Variants in CALD1 observed in about 807,000 individuals in gnomAD.
CALD1 encodes caldesmon 1.
A neutral mutation model predicts 99.9 loss-of-function variants in CALD1; 33 were observed. That is an observed-to-expected ratio of 0.33 (90% CI 0.25 to 0.44). The LOEUF is 0.44. Among genes scored for constraint, CALD1 ranks in the 20% least tolerant of loss-of-function variants. The pLI, the probability that CALD1 is intolerant of heterozygous loss-of-function variation, is 1.00. For missense variants in CALD1, 861 were observed against 962.1 expected (o/e 0.89, Z 1.39); for synonymous variants, 310 against 325.0 (o/e 0.95, Z 0.50).
intron 8 of CALD1, among the ~76,000 whole-genome samples, chr7:134,950,144 A>G (rs1306452870): frequency 2.6e-5 from 4 of 152,230 alleles, no homozygotes; most frequent in African/African-American, 9.6e-5. Flanking sequence ...CAGAGCAGAT[A>G]AATAACATGG....
intron 1 of CALD1, among the ~76,000 whole-genome samples, chr7:134,781,231 G>A (rs73724855): frequency 0.014 from 2,187 of 152,264 alleles, 51 homozygotes; most frequent in African/African-American, 0.047. Context: ...ATCAAAATAT[G>A]GAGAGCAATT....
chr7:134,807,077 G>A (rs1798169630), intron 1 of CALD1, among the ~76,000 whole-genome samples: 2 of 136,850 alleles, frequency 1.5e-5, no homozygotes, highest in African/African-American at 5.7e-5. Context: ...AAGATTCTCA[G>A]TTTGTATGCA....
chr7:134,780,624 G>A (rs935857988), intron 1 of CALD1, among the ~76,000 whole-genome samples: 2 of 152,174 alleles, frequency 1.3e-5, no homozygotes, highest in Admixed American at 1.3e-4. Flanking sequence ...AGTAGTACAA[G>A]GCAGCTAGTT....
At chr7:134,729,740 A>C in the CALD1 span, among the ~76,000 whole-genome samples, 1 of 152,256 alleles carries the variant, frequency 6.6e-6, no homozygotes, top group African/African-American at 2.4e-5. Flanking sequence ...AAGTCCAAGA[A>C]GAAAGGCAGA....
intron 1 of CALD1, among the ~76,000 whole-genome samples, chr7:134,773,892 C>T (rs191633775): frequency 8.6e-5 from 13 of 151,260 alleles, no homozygotes; most frequent in East Asian, 3.9e-4. Flanking sequence ...TGAGGTAGGC[C>T]GGGTGAGGTG....
At chr7:134,725,814 C>G in the CALD1 span, among the ~76,000 whole-genome samples, 17 of 152,102 alleles carry the variant, frequency 1.1e-4, no homozygotes, top group African/African-American at 4.1e-4. Flanking sequence ...AAGAGTGAGG[C>G]AGGAGGAGAT....
At chr7:134,858,059 G>A (rs1469712757) in intron 2 of CALD1, among the ~76,000 whole-genome samples, 1 of 143,944 alleles carries the variant, frequency 6.9e-6, no homozygotes, top group Non-Finnish European at 1.5e-5. Flanking sequence ...CAAAAAGCAG[G>A]CACATGAGTT....
At chr7:134,716,787 T>A in the CALD1 span, among the ~76,000 whole-genome samples, 7 of 152,204 alleles carry the variant, frequency 4.6e-5, no homozygotes, top group Non-Finnish European at 8.8e-5. Context: ...ATAGTATTTA[T>A]ACTGTAGACT....
rs868614984 is a variant in CALD1 at position 134,783,949 on chromosome 7, G to A, written c.-130+4200G>A. On this transcript the variant is annotated intron_variant, in intron 1 of 14. Transcript: ENST00000361675. The surrounding 1 kb of genome is among the most constrained non-coding windows in gnomAD (Gnocchi z 4.3). ...AGAAGCAATTTTCTATGGGGAGCTCGTGGGGGCTAGAGAAATCCAGGAATG... is the reference window on the plus strand; with the variant it reads ...AGAAGCAATTTTCTATGGGGAGCTCATGGGGGCTAGAGAAATCCAGGAATG... Among the ~76,000 whole-genome samples, 1 of 152,192 alleles carries A rather than the reference G, an allele frequency of 6.6e-6. No homozygotes were observed. The highest frequency in any genetic ancestry group is 1.5e-5 in the Non-Finnish European group (1 of 68,042).
rs535886827 is a variant in CALD1 at position 134,765,172 on chromosome 7, G to A, written c.-130+20809G>A. Among the ~76,000 whole-genome samples, 20 of 152,114 alleles carry A rather than the reference G, an allele frequency of 1.3e-4. No individual in the cohort carries two copies. The South Asian group carries it at 2.3e-3, about 17-fold the overall frequency. On this transcript the variant is annotated intron_variant, in intron 1 of 13. Transcript: ENST00000417172. ...TCTACTAAAAATACAAAAATTAGCCGAGTGTGGTGGTGCACGCCTGTAATC... is the reference window on the plus strand; with the variant it reads ...TCTACTAAAAATACAAAAATTAGCCAAGTGTGGTGGTGCACGCCTGTAATC...
At chr7:134,907,569 G>A (rs540007351) in intron 3 of CALD1, among the ~76,000 whole-genome samples, 10 of 152,236 alleles carry the variant, frequency 6.6e-5, no homozygotes, top group Admixed American at 5.2e-4. Flanking sequence ...AAGCATGCAA[G>A]TAAAATTTCC....
At chr7:134,959,810 T>C (rs1390317867) in intron 11 of CALD1, among the ~76,000 whole-genome samples, 164 bp from the exon 12 acceptor site, 3 of 152,240 alleles carry the variant, frequency 2.0e-5, no homozygotes, top group Non-Finnish European at 2.9e-5. Flanking sequence ...GGGACATATG[T>C]CATCAGCATA....
chr7:134,774,681 C>T (rs924034359), upstream of CALD1, among the ~76,000 whole-genome samples: 1 of 152,154 alleles, frequency 6.6e-6, no homozygotes, highest in Non-Finnish European at 1.5e-5. Flanking sequence ...GAGGTTTTCC[C>T]GATTCTGAGG....
chr7:134,929,621 C>CACACACATATATACACACGTGT, intron 4 of CALD1, among the ~76,000 whole-genome samples: 3 of 4,240 alleles, frequency 7.1e-4, no homozygotes, highest in Non-Finnish European at 1.2e-3. Flanking sequence ...TGTATATATA[C>CACACACATATATACACACGTGT]GTGTGTGTGT....
At chr7:134,921,329 G>A (rs1804606237) in intron 3 of CALD1, among the ~76,000 whole-genome samples, 2 of 152,190 alleles carry the variant, frequency 1.3e-5, no homozygotes, top group African/African-American at 2.4e-5. Context: ...ATAAGCAATT[G>A]TCATGAGATC....
intron 1 of CALD1, among the ~76,000 whole-genome samples, chr7:134,792,286 CTTT>C (rs1228341394): frequency 1.6e-5 from 2 of 122,776 alleles, no homozygotes; most frequent in Non-Finnish European, 1.7e-5. Context: ...ATTTCCTCTT[CTTT>C]TTTTTTTTTT....
intron 3 of CALD1, among the ~76,000 whole-genome samples, chr7:134,924,432 C>T (rs1804839981): frequency 6.6e-6 from 1 of 151,902 alleles, no homozygotes; most frequent in Non-Finnish European, 1.5e-5. Context: ...GGAAGCTCAC[C>T]ATGAGGGAGA....
At chr7:134,892,247 C>A (rs998024858) in intron 3 of CALD1, among the ~76,000 whole-genome samples, 2 of 152,238 alleles carry the variant, frequency 1.3e-5, no homozygotes, top group East Asian at 1.9e-4. Context: ...AGAAGGGAGG[C>A]CTTTAGACTC....
chr7:134,722,548 A>C, the CALD1 span, among the ~76,000 whole-genome samples: 1 of 151,914 alleles, frequency 6.6e-6, no homozygotes, highest in Non-Finnish European at 1.5e-5. Flanking sequence ...AGCCTCCCCG[A>C]GTAGCTAGGA....
Sources: gnomAD v4.1 joint callset for allele counts (sites outside exome capture counted in the v4.1 genomes callset) on GRCh38, gnomAD v4.1.1 for gene constraint, Gnocchi (gnomAD v3.1) non-coding constraint, MANE v1.5 for transcripts, NCBI Gene and HGNC (gene_info 2026-07-23, HGNC 2026-07-21) for gene names.